The following NSL1 variants were observed in gnomAD, a reference collection of about 807,000 sequenced individuals.
NSL1 encodes NSL1 component of MIS12 kinetochore complex.
In NSL1, 11 loss-of-function variants were observed where a neutral mutation model predicts 25.4. The observed-to-expected ratio is 0.43, with a 90% CI of 0.27 to 0.72. The LOEUF is 0.72. Among genes scored for constraint, NSL1 ranks in the 30% least tolerant of loss-of-function variants. The probability of loss-of-function intolerance (pLI) is 0.19; values close to 1 mark genes in which losing one functional copy is unlikely to be tolerated. For synonymous variants in NSL1, 118 were observed against 120.6 expected, an observed-to-expected ratio of 0.98 and a Z score of 0.14; for missense variants, 330 against 342.7, an observed-to-expected ratio of 0.96 and a Z score of 0.29.
At chr1:212,785,578 A>G (rs576522942) in intron 2 of NSL1, among the ~76,000 whole-genome samples, 1 of 152,246 alleles carries the variant, frequency 6.6e-6, no homozygotes, top group South Asian at 2.1e-4. Flanking sequence ...CCTATGAGTG[A>G]GAACATGCGG....
intron 2 of NSL1, 98 bp downstream of exon 2, chr1:212,787,460 TA>T: frequency 1.3e-6 from 1 of 750,704 alleles, no homozygotes; most frequent in Non-Finnish European, 2.1e-6. Flanking sequence ...TTCTTGAAAA[TA>T]AATGACACTA....
intron 4 of NSL1, among the ~76,000 whole-genome samples, chr1:212,781,350 G>A (rs1042995110): frequency 6.6e-6 from 1 of 152,148 alleles, no homozygotes; most frequent in South Asian, 2.1e-4. Context: ...AATACCACAA[G>A]TTTCAATTAC....
At chr1:212,746,909 G>T (rs1019540209) in intron 4 of NSL1, among the ~76,000 whole-genome samples, 1 of 152,338 alleles carries the variant, frequency 6.6e-6, no homozygotes, top group African/African-American at 2.4e-5. Context: ...ACTTTGGGAG[G>T]CTGAGGTGGG....
intron 4 of NSL1, chr1:212,764,036 T>C (rs1350077680): frequency 2.3e-6 from 1 of 440,498 alleles, no homozygotes; most frequent in African/African-American, 2.0e-5. Flanking sequence ...GGCCACAAAA[T>C]AAGTCTCAAT....
At chr1:212,777,013 A>C (rs781545418) in intron 4 of NSL1, among the ~76,000 whole-genome samples, 1 of 151,938 alleles carries the variant, frequency 6.6e-6, no homozygotes, top group Non-Finnish European at 1.5e-5. Flanking sequence ...AACAAACAAA[A>C]AAATTAGAGA....
In NSL1 at chr1:212,738,469, T is replaced by C; in HGVS notation, c.785A>G (p.Lys262Arg). 1 of 1,614,094 alleles carries C rather than the reference T, an allele frequency of 6.2e-7. No homozygotes were observed. Among genetic ancestry groups the C allele is most frequent in the Non-Finnish European group, 8.5e-7 (1 of 1,179,992 alleles). ...SDMVLKRKQT[K>R]DCPQRKWYPL... ...ATACCATTTTCTCTGGGGGCAGTCT[T>C]TAGTTTGCTTTCTTTTCAGTACCAT... Residue 262 changes from lysine to arginine, a missense_variant, in exon 6 of 6, where the codon AAA becomes AGA. Transcript: ENST00000366977.
At chr1:212,758,600 G>T (rs1659418331) in intron 4 of NSL1, among the ~76,000 whole-genome samples, 1 of 152,214 alleles carries the variant, frequency 6.6e-6, no homozygotes, top group East Asian at 1.9e-4. Context: ...TTTCACAAAA[G>T]AAGTGCTAAA....
At chr1:212,758,798 A>G (rs546850922) in intron 4 of NSL1, among the ~76,000 whole-genome samples, 1 of 152,360 alleles carries the variant, frequency 6.6e-6, no homozygotes, top group African/African-American at 2.4e-5. Flanking sequence ...TTCATATGGA[A>G]TTTGAATGTA....
intron 1 of NSL1, among the ~76,000 whole-genome samples, chr1:212,789,412 G>A (rs954852350): frequency 4.6e-5 from 7 of 152,062 alleles, no homozygotes; most frequent in East Asian, 1.9e-4. Context: ...GGGTTTCACC[G>A]TGTTGGCCAG....
At chr1:212,776,181 T>G (rs950281218) in intron 4 of NSL1, among the ~76,000 whole-genome samples, 7 of 152,174 alleles carry the variant, frequency 4.6e-5, no homozygotes, top group Non-Finnish European at 1.0e-4. Context: ...CTGACCAACA[T>G]GGTGAATCCC....
At chr1:212,769,165 G>A (rs1325277559) in intron 4 of NSL1, among the ~76,000 whole-genome samples, 2 of 152,032 alleles carry the variant, frequency 1.3e-5, no homozygotes, top group Non-Finnish European at 1.5e-5. Context: ...TGTAGAGGGA[G>A]AAGGGATGGG....
intron 4 of NSL1, among the ~76,000 whole-genome samples, chr1:212,762,602 A>G (rs1480432645): frequency 6.6e-6 from 1 of 152,204 alleles, no homozygotes. Flanking sequence ...GCTGGAGCCT[A>G]CTGCATGAGA....
At chr1:212,782,830 G>A (rs1660783542) in intron 3 of NSL1, among the ~76,000 whole-genome samples, 1 of 152,140 alleles carries the variant, frequency 6.6e-6, no homozygotes, top group South Asian at 2.1e-4. Flanking sequence ...GTTCTAAAAG[G>A]TGGCGAGGCT....
intron 4 of NSL1, among the ~76,000 whole-genome samples, chr1:212,745,298 A>T (rs1658737233): frequency 6.6e-6 from 1 of 151,720 alleles, no homozygotes; most frequent in Admixed American, 6.6e-5. Context: ...TAACTTCCCA[A>T]ATTTGATAAT....
At position 212,765,671 on chromosome 1, in the gene NSL1, A is replaced by T. The variant is rs186201771; in HGVS notation, c.499+16701T>A. 3.5e-4 allele frequency among the ~76,000 whole-genome samples: 53 copies of T among 152,126 alleles called. No homozygotes were observed. In the East Asian group the frequency reaches 9.7e-3, roughly 28 times the overall value. On this transcript the variant is annotated intron_variant, in intron 4 of 5. Coordinates refer to ENST00000366977, the MANE Select transcript of NSL1 (RefSeq NM_015471.4). ...CCCCATCTCTACTAAAAATACAAAA[A>T]TTAGCATGCCTGTAATCCCAGCTAC...
At chr1:212,755,672 T>C (rs1266315189) in intron 4 of NSL1, among the ~76,000 whole-genome samples, 1 of 151,858 alleles carries the variant, frequency 6.6e-6, no homozygotes, top group Non-Finnish European at 1.5e-5. Flanking sequence ...AAACTGATAA[T>C]AGTTGCCTAT....
chr1:212,730,131 T>G lies in NSL1; in HGVS notation c.*8277A>C, dbSNP rs1657952913. ...CCAGCATGGTAGCACGCGCCTGTAA[T>G]CCCAGCTACTCGGGAGGCTAAGGCA... On this transcript the variant is annotated 3_prime_UTR_variant, in exon 6 of 6. Transcript: ENST00000366977. The G allele has an allele frequency of 3.7e-6, 3 of 818,822 alleles. No homozygotes were observed. Among genetic ancestry groups the G allele is most frequent in the Non-Finnish European group, 4.4e-6 (3 of 684,268 alleles). The allele number at this position is 818,822 out of a possible 1,614,324, so 50.7% of individuals were successfully genotyped here.
At chr1:212,790,649 G>A (rs1009066037) in intron 1 of NSL1, among the ~76,000 whole-genome samples, 1 of 152,252 alleles carries the variant, frequency 6.6e-6, no homozygotes, top group East Asian at 1.9e-4. Flanking sequence ...TAGGCCGGGC[G>A]AGGTGGCTCA....
chr1:212,783,167 G>A (rs1660800041), intron 3 of NSL1, among the ~76,000 whole-genome samples: 1 of 152,004 alleles, frequency 6.6e-6, no homozygotes, highest in African/African-American at 2.4e-5. Context: ...GGCAGGGCAG[G>A]AAAAAATTTT....
Sources: allele counts gnomAD v4.1 joint callset (sites outside exome capture counted in the v4.1 genomes callset), GRCh38; gene constraint gnomAD v4.1.1; transcripts MANE v1.5; gene names NCBI Gene and HGNC (gene_info 2026-07-23, HGNC 2026-07-21).